Variants in BABAM2 observed in about 807,000 individuals in gnomAD.
BABAM2 encodes the protein BRISC and BRCA1 A complex member 2, also known as BRISC and BRCA1-A complex member 2.
BABAM2 carries 31 observed loss-of-function variants against 54.7 expected under a neutral mutation model. The ratio of observed to expected loss-of-function variants is 0.57; its 90% CI spans 0.43 to 0.77. The LOEUF is 0.77. BABAM2 is among the 30% of genes least tolerant of loss of function. The pLI is 0.00. For synonymous variants in BABAM2, 167 were observed against 162.9 expected (o/e 1.03, Z -0.19); for missense variants, 364 against 455.8 (o/e 0.80, Z 1.83).
chr2:28,100,029 C>G (rs1038178869), intron 6 of BABAM2, among the ~76,000 whole-genome samples: 2 of 151,844 alleles, frequency 1.3e-5, no homozygotes, highest in Non-Finnish European at 2.9e-5. Context: ...TTTACTTTTG[C>G]TCTTCATTTT....
chr2:28,164,442 G>A (rs1031800483), intron 7 of BABAM2, among the ~76,000 whole-genome samples: 2 of 151,862 alleles, frequency 1.3e-5, no homozygotes, highest in East Asian at 1.9e-4. Context: ...CACACAGGCC[G>A]CAGAGCCTGT....
chr2:28,149,935 G>A (rs765035645), intron 7 of BABAM2, among the ~76,000 whole-genome samples: 2 of 152,070 alleles, frequency 1.3e-5, no homozygotes, highest in Non-Finnish European at 2.9e-5. Context: ...TCATCTTGAT[G>A]GTTAAAATCA....
intron 4 of BABAM2, among the ~76,000 whole-genome samples, chr2:27,993,374 T>G (rs992689537): frequency 1.3e-5 from 2 of 152,082 alleles, no homozygotes; most frequent in Non-Finnish European, 2.9e-5. Context: ...GACTAGAAAA[T>G]ACACTTTAGA....
intron 3 of BABAM2, among the ~76,000 whole-genome samples, chr2:27,970,123 A>G (rs948484829): frequency 1.3e-5 from 2 of 151,910 alleles, no homozygotes; most frequent in African/African-American, 4.8e-5. Flanking sequence ...TTCACTTTTT[A>G]TAAAGGAATA....
chr2:28,170,607 A>G (rs1483278242), intron 7 of BABAM2, among the ~76,000 whole-genome samples: 1 of 152,144 alleles, frequency 6.6e-6, no homozygotes, highest in Non-Finnish European at 1.5e-5. Flanking sequence ...GCTATGCTCC[A>G]TATCTTTATG....
chr2:28,038,583 T>A (rs1676835621), intron 5 of BABAM2, among the ~76,000 whole-genome samples: 1 of 150,250 alleles, frequency 6.7e-6, no homozygotes, highest in Non-Finnish European at 1.5e-5. Flanking sequence ...CATCGTTATG[T>A]GTGTGTGTGC....
chr2:28,148,994 C>G (rs1671769723), intron 7 of BABAM2, among the ~76,000 whole-genome samples: 1 of 152,148 alleles, frequency 6.6e-6, no homozygotes, highest in South Asian at 2.1e-4. Context: ...TCCACAAAAG[C>G]TTATGGCCCC....
At chr2:27,935,770 C>T (rs1033170356) in intron 3 of BABAM2, among the ~76,000 whole-genome samples, 5 of 152,212 alleles carry the variant, frequency 3.3e-5, no homozygotes, top group Admixed American at 1.3e-4. Context: ...CCATGCCGCC[C>T]TTCAGCAACT....
chr2:27,890,079 T>TAC (rs757863198), upstream of BABAM2: 12 of 587,828 alleles, frequency 2.0e-5, no homozygotes, highest in Non-Finnish European at 3.6e-5. This position sits in a 1 kb window ranked among gnomAD's most constrained non-coding sequence, Gnocchi z 4.8. Flanking sequence ...TACCTTTATA[T>TAC]ACTCAAGTTC....
intron 6 of BABAM2, among the ~76,000 whole-genome samples, chr2:28,046,154 C>A (rs1283986294): frequency 6.6e-6 from 1 of 152,194 alleles, no homozygotes; most frequent in Non-Finnish European, 1.5e-5. Flanking sequence ...TAGCCACTGC[C>A]TTCGAGGTTC....
chr2:27,912,843 A>G (rs1304696065), intron 2 of BABAM2, among the ~76,000 whole-genome samples: 1 of 152,204 alleles, frequency 6.6e-6, no homozygotes, highest in Non-Finnish European at 1.5e-5. Context: ...GAGCAGTCAG[A>G]CAGATAACCT....
In BABAM2 at chr2:27,925,536, G is replaced by A. The variant is rs955691455; in HGVS notation, c.129-4296G>A. On this transcript the variant is annotated intron_variant, in intron 2 of 11. Transcript: ENST00000379624. ...CTGGTGAGACCAGTAAGCATCCCTG[G>A]GGGGTAAACACAAGACTCATCCACA... is the stretch of plus-strand genomic sequence containing the variant. Among the ~76,000 whole-genome samples the A allele has an allele frequency of 1.1e-4, 17 of 152,222 alleles. No homozygotes were observed. The East Asian group carries it at 2.5e-3, about 22-fold the overall frequency.
At chr2:28,144,020 C>A (rs1671289651) in intron 7 of BABAM2, among the ~76,000 whole-genome samples, 2 of 152,180 alleles carry the variant, frequency 1.3e-5, no homozygotes, top group Non-Finnish European at 2.9e-5. Flanking sequence ...TTTGCGGTAA[C>A]ATTTGGGTTT....
chr2:27,903,998 G>A (rs1249184873), intron 2 of BABAM2, among the ~76,000 whole-genome samples: 6 of 152,134 alleles, frequency 3.9e-5, no homozygotes, highest in Non-Finnish European at 8.8e-5. Context: ...GTAAAATAAG[G>A]ATTACTTGAA....
rs1553336494 is a variant in BABAM2 at position 28,183,739 on chromosome 2, T to TCTCTCACACACACACACA, written c.681-53462_681-53461insTCTCACACACACACACAC. Among the ~76,000 whole-genome samples, 234 of 133,214 alleles carry TCTCTCACACACACACACA rather than the reference T, an allele frequency of 1.8e-3. 1 individual carries two copies. The highest frequency in any genetic ancestry group is 5.6e-3 in the African/African-American group (207 of 37,132). 87.4% of individuals were successfully genotyped at this position (133,214 alleles called of 152,430 possible). A position where few individuals can be genotyped will look rare whatever the true frequency, so the allele number is the denominator to read the frequency against. On this transcript the variant is annotated intron_variant, in intron 7 of 11. Coordinates refer to ENST00000379624, the MANE Select transcript of BABAM2 (RefSeq NM_199191.3). ...ATTTTATGTTACTTTTGGATGAAGA[T>TCTCTCACACACACACACA]CACACACACACACACACACACACAC...
chr2:28,110,633 T>A (rs894152529), intron 6 of BABAM2, among the ~76,000 whole-genome samples: 91 of 151,512 alleles, frequency 6.0e-4, no homozygotes, highest in African/African-American at 9.2e-4. Flanking sequence ...CAAAAAAAAA[T>A]AAATAAATAA....
At chr2:28,045,003 A>C (rs1677450279) in intron 5 of BABAM2, among the ~76,000 whole-genome samples, 1 of 152,138 alleles carries the variant, frequency 6.6e-6, no homozygotes, top group Non-Finnish European at 1.5e-5. Flanking sequence ...GTTAAAAAAA[A>C]AAAAAAGTGA....
intron 6 of BABAM2, among the ~76,000 whole-genome samples, chr2:28,115,974 G>A (rs1380391597): frequency 6.6e-5 from 10 of 151,930 alleles, no homozygotes; most frequent in African/African-American, 1.9e-4. Flanking sequence ...AATTAGCTGG[G>A]CATGGTGGTG....
chr2:28,116,253 C>A (rs1347117287), intron 6 of BABAM2, among the ~76,000 whole-genome samples: 1 of 152,116 alleles, frequency 6.6e-6, no homozygotes. Flanking sequence ...CTGTACAGGG[C>A]CTTCCCATAG....
Sources: gnomAD v4.1 joint callset for allele counts (sites outside exome capture counted in the v4.1 genomes callset) on GRCh38, gnomAD v4.1.1 for gene constraint, Gnocchi (gnomAD v3.1) non-coding constraint, MANE v1.5 for transcripts, NCBI Gene and HGNC (gene_info 2026-07-23, HGNC 2026-07-21) for gene names.